The following SEL1L3 variants were observed in gnomAD, a reference collection of about 807,000 sequenced individuals.
SEL1L3 encodes protein sel-1 homolog 3.
In SEL1L3, 76 loss-of-function variants were observed where a neutral mutation model predicts 142.8. The observed-to-expected ratio is 0.53, with a 90% CI of 0.44 to 0.64. The LOEUF is 0.64. Ranked by LOEUF, SEL1L3 falls within the 30% of genes least tolerant of loss-of-function variation. The pLI, the probability that SEL1L3 is intolerant of heterozygous loss-of-function variation, is 0.00. For missense variants in SEL1L3, 1,262 were observed against 1,381.7 expected (o/e 0.91, Z 1.37); for synonymous variants, 504 against 519.6 (o/e 0.97, Z 0.41).
downstream of SEL1L3, among the ~76,000 whole-genome samples, chr4:25,745,050 C>T (rs1200316913): frequency 4.6e-5 from 7 of 152,178 alleles, no homozygotes; most frequent in East Asian, 1.4e-3. Context: ...AATTGAGGTA[C>T]AGAGTTGGGT....
chr4:25,862,298 G>C (rs543574021), intron 1 of SEL1L3: 2 of 164,208 alleles, frequency 1.2e-5, no homozygotes, highest in East Asian at 3.2e-4. Flanking sequence ...GGGAAGCCCA[G>C]GAGGGGTGGG....
intron 9 of SEL1L3, among the ~76,000 whole-genome samples, chr4:25,808,405 G>A (rs901756058): frequency 3.9e-5 from 6 of 152,094 alleles, no homozygotes; most frequent in South Asian, 2.1e-4. Flanking sequence ...TAAGGTCACC[G>A]TTTGTGTGCT....
chr4:25,779,535 T>G (rs531331339), intron 15 of SEL1L3, among the ~76,000 whole-genome samples: 1 of 152,258 alleles, frequency 6.6e-6, no homozygotes, highest in Non-Finnish European at 1.5e-5. Context: ...CAGGTGAAAA[T>G]CCAGGCATTT....
intron 5 of SEL1L3, among the ~76,000 whole-genome samples, chr4:25,831,609 T>A (rs1325715540): frequency 6.6e-6 from 1 of 151,182 alleles, no homozygotes; most frequent in Non-Finnish European, 1.5e-5. Context: ...CACTGCAACC[T>A]CCGCCTCCCG....
In SEL1L3 at chr4:25,788,254, T is replaced by C. The variant is rs188313423; in HGVS notation, c.2187A>G (p.Leu729=). Residue 729 remains leucine, a synonymous_variant, in exon 13 of 24, where the codon TTA becomes TTG. Coordinates refer to ENST00000399878, the MANE Select transcript of SEL1L3 (RefSeq NM_015187.5). The surrounding 1 kb of genome is among the most constrained non-coding windows in gnomAD (Gnocchi z 5.3). ...KGALETEDPA[L]IYDYAIVLFK... ...ATAGCACAATGGCATAGTCATAGAT[T>C]AACGCAGGATCCTCCGTCTCCAGGG... 1 of 1,613,894 alleles carries C rather than the reference T, an allele frequency of 6.2e-7. No homozygotes were observed. Among genetic ancestry groups the C allele is most frequent in the Non-Finnish European group, 8.5e-7 (1 of 1,179,862 alleles).
At chr4:25,810,391 G>A (rs1713940547) in intron 9 of SEL1L3, among the ~76,000 whole-genome samples, 1 of 152,144 alleles carries the variant, frequency 6.6e-6, no homozygotes, top group South Asian at 2.1e-4. Context: ...CACCAGCCCA[G>A]TCCTCATCGC....
At chr4:25,760,474 T>G (rs1718301872) in intron 20 of SEL1L3, among the ~76,000 whole-genome samples, 1 of 152,198 alleles carries the variant, frequency 6.6e-6, no homozygotes, top group African/African-American at 2.4e-5. Context: ...ATTGCTACAC[T>G]GCTTTCCACA....
At chr4:25,718,501 A>G in the SEL1L3 span, 1 of 152,236 alleles carries the variant, frequency 6.6e-6, no homozygotes, top group Non-Finnish European at 1.5e-5. Context: ...GCGAGCAATT[A>G]TAAGGGTGAT....
Position 25,765,316 on chromosome 4 carries a change from T to C in SEL1L3, c.2955+10A>G. On this transcript the variant is annotated intron_variant, in intron 20 of 23. Coordinates refer to ENST00000399878, the MANE Select transcript of SEL1L3 (RefSeq NM_015187.5). Reference sequence around the variant, plus strand: ...GCCAAGAGCTGGTTTTTGTTGCGGTTGCTGTTTACCTGGGAGTCTCCATCC... The same window carrying C: ...GCCAAGAGCTGGTTTTTGTTGCGGTCGCTGTTTACCTGGGAGTCTCCATCC... The C allele has an allele frequency of 6.3e-7, 1 of 1,580,950 alleles. No individual in the cohort carries two copies. Among genetic ancestry groups the C allele is most frequent in the Non-Finnish European group, 8.7e-7 (1 of 1,150,372 alleles).
rs900578928 is a variant in SEL1L3 at position 25,765,318 on chromosome 4, C to T, written c.2955+8G>A. On this transcript the variant is annotated splice_region_variant and intron_variant, in intron 20 of 23. Coordinates refer to ENST00000399878, the MANE Select transcript of SEL1L3 (RefSeq NM_015187.5). ...CAAGAGCTGGTTTTTGTTGCGGTTG[C>T]TGTTTACCTGGGAGTCTCCATCCAG... 18 of 1,583,916 alleles carry T rather than the reference C, an allele frequency of 1.1e-5. No individual in the cohort carries two copies. The highest frequency in any genetic ancestry group is 1.7e-5 in the Admixed American group (1 of 59,842).
At chr4:25,768,137 T>C (rs1182238139) in intron 17 of SEL1L3, among the ~76,000 whole-genome samples, 1 of 152,164 alleles carries the variant, frequency 6.6e-6, no homozygotes, top group African/African-American at 2.4e-5. Flanking sequence ...CTTGAATCCT[T>C]CTTGCATCCT....
chr4:25,757,663 G>A, intron 22 of SEL1L3, 25 bp downstream of exon 22: 1 of 1,568,422 alleles, frequency 6.4e-7, no homozygotes. Flanking sequence ...CCACAAGGGT[G>A]GGGCCGGTGG....
chr4:25,799,120 G>A (rs1190799393), intron 11 of SEL1L3, among the ~76,000 whole-genome samples: 1 of 152,096 alleles, frequency 6.6e-6, no homozygotes, highest in Non-Finnish European at 1.5e-5. Context: ...TGTAGCCCAG[G>A]CTGGAGTGCA....
chr4:25,752,468 C>G (rs1382547493), intron 23 of SEL1L3, among the ~76,000 whole-genome samples: 5 of 149,222 alleles, frequency 3.4e-5, no homozygotes. Context: ...GTCCTAACAG[C>G]AAAGAAAAAC....
intron 2 of SEL1L3, among the ~76,000 whole-genome samples, chr4:25,846,427 A>G (rs1716515907): frequency 6.6e-6 from 1 of 152,186 alleles, no homozygotes. Context: ...CTCTGAAGGA[A>G]CTGCTTGTTA....
At chr4:25,815,346 C>T (rs923996576) in intron 9 of SEL1L3, among the ~76,000 whole-genome samples, 1 of 152,168 alleles carries the variant, frequency 6.6e-6, no homozygotes, top group Non-Finnish European at 1.5e-5. Flanking sequence ...GGGAATCTAG[C>T]GGTTCTGCAG....
chr4:25,825,410 A>G (rs1331951201), intron 6 of SEL1L3, among the ~76,000 whole-genome samples: 1 of 152,186 alleles, frequency 6.6e-6, no homozygotes, highest in East Asian at 1.9e-4. Context: ...GCCCCTTTTG[A>G]AAACCCGAGA....
intron 19 of SEL1L3, among the ~76,000 whole-genome samples, chr4:25,767,002 A>T (rs149768226): frequency 4.1e-4 from 63 of 152,276 alleles, no homozygotes; most frequent in African/African-American, 1.3e-3. Context: ...CTCAGAAGAA[A>T]TGTTGGGGGC....
In SEL1L3 at chr4:25,862,701, A is replaced by G; in HGVS notation, c.136T>C (p.Cys46Arg). The change falls in exon 1 of 24, where the codon TGC (cysteine) becomes CGC (arginine). Residue 46 changes from cysteine (C) to arginine (R), a missense_variant. Around this residue, in one of 3 missense-constraint regions of SEL1L3, gnomAD observed 689 missense variants for 692.8 expected, o/e 0.99. Coordinates refer to ENST00000399878, the MANE Select transcript of SEL1L3 (RefSeq NM_015187.5). ...AGGTAGCAGAGCAGGAGCAGCGCGCAGGCAGAGCGGCCGCCGAGGCCCTGG... is the reference window on the plus strand; with the variant it reads ...AGGTAGCAGAGCAGGAGCAGCGCGCGGGCAGAGCGGCCGCCGAGGCCCTGG... Reference protein sequence around the residue: ...VPQGLGGRSACALLLLCYLNV... With the variant: ...VPQGLGGRSARALLLLCYLNV... 7.7e-7 allele frequency: 1 copy of G among 1,301,626 alleles called. No homozygotes were observed. The highest frequency in any genetic ancestry group is 9.8e-7 in the Non-Finnish European group (1 of 1,022,264). The allele number at this position is 1,301,626 out of a possible 1,614,324, so 80.6% of individuals were successfully genotyped here.
Sources: gnomAD v4.1 joint callset for allele counts (sites outside exome capture counted in the v4.1 genomes callset) on GRCh38, gnomAD v4.1.1 for gene constraint, gnomAD v4.1.1 regional missense constraint, Gnocchi (gnomAD v3.1) non-coding constraint, MANE v1.5 for transcripts, NCBI Gene and HGNC (gene_info 2026-07-23, HGNC 2026-07-21) for gene names.